The following SLC39A14 variants were observed in gnomAD, a reference collection of about 807,000 sequenced individuals.
SLC39A14 encodes metal cation symporter ZIP14.
In SLC39A14, 19 loss-of-function variants were observed where a neutral mutation model predicts 45.5. That is an observed-to-expected ratio of 0.42 (90% CI 0.29 to 0.61). SLC39A14 has a LOEUF of 0.61. SLC39A14 is among the 20% of genes least tolerant of loss of function. The probability of loss-of-function intolerance (pLI) is 0.22; values close to 1 mark genes in which losing one functional copy is unlikely to be tolerated. For synonymous variants in SLC39A14, 264 were observed against 251.3 expected, an observed-to-expected ratio of 1.05 and a Z score of -0.48; for missense variants, 447 against 616.5, an observed-to-expected ratio of 0.73 and a Z score of 2.91.
chr8:22,430,347 C>A (rs1004226594), intron 8 of SLC39A14, among the ~76,000 whole-genome samples: 2 of 152,042 alleles, frequency 1.3e-5, no homozygotes, highest in African/African-American at 4.8e-5. Context: ...GGATTACAGG[C>A]GTGGGCCATC....
intron 8 of SLC39A14, among the ~76,000 whole-genome samples, chr8:22,433,312 A>G (rs1025508545): frequency 6.6e-6 from 1 of 152,078 alleles, no homozygotes; most frequent in African/African-American, 2.4e-5. Context: ...CACCTAATTC[A>G]TACTTGTTGA....
At chr8:22,391,566 T>C (rs1175423488) in intron 1 of SLC39A14, among the ~76,000 whole-genome samples, 1 of 151,802 alleles carries the variant, frequency 6.6e-6, no homozygotes, top group Non-Finnish European at 1.5e-5. Context: ...CTGAGCTCCC[T>C]GTTCTTTTTT....
chr8:22,428,393 C>CTCAA (rs757212547), intron 8 of SLC39A14, among the ~76,000 whole-genome samples: 51 of 151,482 alleles, frequency 3.4e-4, no homozygotes, highest in Admixed American at 6.6e-4. Context: ...TCTAATAATG[C>CTCAA]TCAACTTAGC....
chr8:22,396,171 A>T (rs180733884), intron 1 of SLC39A14, among the ~76,000 whole-genome samples: 2 of 151,994 alleles, frequency 1.3e-5, no homozygotes, highest in Admixed American at 1.3e-4. Flanking sequence ...GTTTGAGACC[A>T]GCTTAGCCAA....
At chr8:22,414,713 A>T (rs2280522) in intron 4 of SLC39A14, 67 bp from the exon 5 acceptor site, 22 of 1,515,842 alleles carry the variant, frequency 1.5e-5, no homozygotes, top group Middle Eastern at 2.5e-4. Flanking sequence ...TAGTTAAGAG[A>T]TAAGAGGGGG....
intron 3 of SLC39A14, among the ~76,000 whole-genome samples, chr8:22,409,413 G>A (rs1011529681): frequency 3.3e-5 from 5 of 150,996 alleles, no homozygotes; most frequent in African/African-American, 4.9e-5. Flanking sequence ...ACAGACTTTC[G>A]CTCTTGTTGC....
chr8:22,408,537 G>A (rs763327826), intron 3 of SLC39A14, 41 bp downstream of exon 3: 58 of 1,572,398 alleles, frequency 3.7e-5, no homozygotes, highest in Non-Finnish European at 4.8e-5. Flanking sequence ...CTCCCATCTC[G>A]CCCGCGTCTC....
At chr8:22,405,019 C>T (rs565031491) in intron 2 of SLC39A14, 39 bp downstream of exon 2, 22 of 1,587,382 alleles carry the variant, frequency 1.4e-5, no homozygotes, top group South Asian at 1.4e-4. Flanking sequence ...TGCTCAGCCC[C>T]GTCTCTGGCC....
chr8:22,404,640 G>A (rs1337967100), intron 1 of SLC39A14, 56 bp from the exon 2 acceptor site: 19 of 1,543,740 alleles, frequency 1.2e-5, no homozygotes, highest in South Asian at 2.4e-5. Flanking sequence ...CGGGCCTGGC[G>A]CAGTTGCCGG....
At chr8:22,393,180 G>C in intron 1 of SLC39A14, 1 of 985,662 alleles carries the variant, frequency 1.0e-6, no homozygotes, top group Non-Finnish European at 1.2e-6. Context: ...GCCAAGGCTT[G>C]AGGCGAAGGT....
intron 1 of SLC39A14, among the ~76,000 whole-genome samples, chr8:22,393,602 T>C (rs1834202751): frequency 6.6e-6 from 1 of 152,252 alleles, no homozygotes; most frequent in African/African-American, 2.4e-5. Flanking sequence ...ATCCAGAGTG[T>C]ATTAATCAAG....
intron 1 of SLC39A14, among the ~76,000 whole-genome samples, chr8:22,379,149 T>A (rs541211824): frequency 6.6e-6 from 1 of 152,326 alleles, no homozygotes; most frequent in African/African-American, 2.4e-5. Flanking sequence ...TTGGTGTGTG[T>A]CTGCATGTCC....
At chr8:22,424,578 C>T (rs1000532483), downstream of SLC39A14, among the ~76,000 whole-genome samples, 4 of 152,148 alleles carry the variant, frequency 2.6e-5, no homozygotes, top group African/African-American at 9.7e-5. Flanking sequence ...TGCCTACAGT[C>T]CCTCCTGCCT....
rs1055596002 is a variant in SLC39A14, at chr8:22,393,167, T to A, written c.-15-11529T>A. On this transcript the variant is annotated intron_variant, in intron 1 of 8. Coordinates refer to ENST00000381237, the MANE Select transcript of SLC39A14 (RefSeq NM_001128431.4). ...TTTCCCACCCTGGGTGCGCTTTGACTGTGCCAAGGCTTGAGGCGAAGGTCC... is the reference window on the plus strand; with the variant it reads ...TTTCCCACCCTGGGTGCGCTTTGACAGTGCCAAGGCTTGAGGCGAAGGTCC... 45 of 984,272 alleles carry A rather than the reference T, an allele frequency of 4.6e-5. No individual in the cohort carries two copies. The African/African-American group carries it at 7.3e-4, about 16-fold the overall frequency. 61.0% of individuals were successfully genotyped at this position (984,272 alleles called of 1,614,324 possible). A position where few individuals can be genotyped will look rare whatever the true frequency, so the allele number is the denominator to read the frequency against.
downstream of SLC39A14, among the ~76,000 whole-genome samples, chr8:22,425,188 T>G (rs1267929232): frequency 6.6e-6 from 1 of 151,072 alleles, no homozygotes; most frequent in Admixed American, 6.6e-5. Context: ...AATTTAGAAA[T>G]GTAAGTTTGA....
chr8:22,375,186 A>G (rs1833145834), intron 1 of SLC39A14, among the ~76,000 whole-genome samples: 1 of 148,760 alleles, frequency 6.7e-6, no homozygotes. Flanking sequence ...CAGCCCTTAG[A>G]AGTCTCTCCC....
At chr8:22,414,653 A>G in intron 4 of SLC39A14, 127 bp from the exon 5 acceptor site, 1 of 967,538 alleles carries the variant, frequency 1.0e-6, no homozygotes, top group South Asian at 1.8e-5. Context: ...GGATGGGTAG[A>G]CGGCAGAGTT....
At position 22,419,427 on chromosome 8, in the gene SLC39A14, G is replaced by A. The variant is rs150970004; in HGVS notation, c.1333-125G>A. 1,401 of 872,750 alleles carry A rather than the reference G, an allele frequency of 1.6e-3. 5 individuals are homozygous for A. The highest frequency in any genetic ancestry group is 8.4e-3 in the African/African-American group (501 of 59,518). The allele number at this position is 872,750 out of a possible 1,614,324, so 54.1% of individuals were successfully genotyped here. A position where few individuals can be genotyped will look rare whatever the true frequency, so the allele number is the denominator to read the frequency against. ...TCGAACTCCTGACCTCTAGTGAGCCGCTGCACCTGGCCCTGATAATTTTCT... is the reference window on the plus strand; with the variant it reads ...TCGAACTCCTGACCTCTAGTGAGCCACTGCACCTGGCCCTGATAATTTTCT... On this transcript the variant is annotated intron_variant, in intron 8 of 8. Transcript: ENST00000381237.
At position 22,404,760 on chromosome 8, in the gene SLC39A14, C is replaced by T. The variant is rs750370995; in HGVS notation, c.50C>T (p.Thr17Ile). 10 of 1,613,856 alleles carry T rather than the reference C, an allele frequency of 6.2e-6. No individual in the cohort carries two copies. The South Asian group carries it at 1.1e-4, about 18-fold the overall frequency. The change falls in exon 2 of 9, where the codon ACC becomes ATC. Residue 17 changes from threonine to isoleucine, a missense_variant. Thr to Ile is a moderately conservative substitution (Grantham distance 89). Around this residue, in one of 2 missense-constraint regions of SLC39A14, gnomAD observed 342 missense variants for 428.1 expected, o/e 0.80. Coordinates refer to ENST00000381237, the MANE Select transcript of SLC39A14 (RefSeq NM_001128431.4). ...HPAFQSCLLLTLLGLWRTTPE... is the reference protein window; with the variant it reads ...HPAFQSCLLLILLGLWRTTPE... ...GCCTTCCAGAGCTGCCTCCTGCTGA[C>T]CCTGCTTGGCTTATGGAGAACCACC... is the stretch of plus-strand genomic sequence containing the variant.
Sources: gnomAD v4.1 joint callset for allele counts (sites outside exome capture counted in the v4.1 genomes callset) on GRCh38, gnomAD v4.1.1 for gene constraint, gnomAD v4.1.1 regional missense constraint, MANE v1.5 for transcripts, NCBI Gene and HGNC (gene_info 2026-07-23, HGNC 2026-07-21) for gene names.